The following PSD3 variants were observed in gnomAD, a reference collection of about 807,000 sequenced individuals.
PSD3 encodes the protein pleckstrin and Sec7 domain containing 3, also known as PH and SEC7 domain-containing protein 3.
A neutral mutation model predicts 105.5 loss-of-function variants in PSD3; 49 were observed. The ratio of observed to expected loss-of-function variants is 0.46; its 90% CI spans 0.37 to 0.59. The LOEUF (loss-of-function observed/expected upper bound fraction) is 0.59, where lower values mean the gene tolerates loss of function less well. Ranked by LOEUF, PSD3 falls within the 20% of genes least tolerant of loss-of-function variation. The pLI is 0.00. For synonymous variants in PSD3, 557 were observed against 457.8 expected (o/e 1.22, Z -2.77); for missense variants, 1,561 against 1,263.8 (o/e 1.24, Z -3.57).
At chr8:18,542,279 C>G (rs188848122) in intron 15 of PSD3, among the ~76,000 whole-genome samples, 12 of 152,256 alleles carry the variant, frequency 7.9e-5, no homozygotes, top group Admixed American at 7.8e-4. Context: ...TTATTTATAT[C>G]TGGAATCTAC....
intron 2 of PSD3, among the ~76,000 whole-genome samples, chr8:18,905,148 C>G (rs1161899861): frequency 6.6e-6 from 1 of 152,150 alleles, no homozygotes; most frequent in Admixed American, 6.5e-5. Context: ...TTAACCATTA[C>G]AAAAAGCTGC....
At chr8:18,575,702 A>C (rs1252274128) in intron 12 of PSD3, among the ~76,000 whole-genome samples, 1 of 152,214 alleles carries the variant, frequency 6.6e-6, no homozygotes, top group East Asian at 1.9e-4. Context: ...CAACAGAATT[A>C]TACCGAGGAT....
rs756248977 is a variant in PSD3, at chr8:18,759,092, A to ACACACACACACACACACACACACACACT, written c.2172+6356_2172+6357insAGTGTGTGTGTGTGTGTGTGTGTGTGTG. 3.9e-4 allele frequency among the ~76,000 whole-genome samples: 56 copies of ACACACACACACACACACACACACACACT among 143,950 alleles called. 1 individual carries two copies. The East Asian group carries it at 4.2e-3, about 11-fold the overall frequency. 94.4% of individuals were successfully genotyped at this position (143,950 alleles called of 152,430 possible). On this transcript the variant is annotated intron_variant, in intron 9 of 15. Coordinates refer to ENST00000327040, the MANE Select transcript of PSD3 (RefSeq NM_015310.4). Reference sequence around the variant, plus strand: ...TAACCCATTCTTCACACACACACACACTCTCTCTCTCTCTCTCTCTCTCTT... The same window carrying ACACACACACACACACACACACACACACT: ...TAACCCATTCTTCACACACACACACACACACACACACACACACACACACACACTCTCTCTCTCTCTCTCTCTCTCTCTT...
At chr8:18,796,997 C>CA (rs565200854) in intron 8 of PSD3, among the ~76,000 whole-genome samples, 31 of 151,902 alleles carry the variant, frequency 2.0e-4, no homozygotes, top group African/African-American at 7.0e-4. Flanking sequence ...AAAACAACAA[C>CA]AAAAAAATCA....
At chr8:18,986,691 T>C (rs942332171) in intron 1 of PSD3, among the ~76,000 whole-genome samples, 2 of 152,142 alleles carry the variant, frequency 1.3e-5, no homozygotes, top group Non-Finnish European at 2.9e-5. Context: ...ACTTCACTTA[T>C]CGCTGAATGC....
intron 2 of PSD3, among the ~76,000 whole-genome samples, chr8:18,883,252 T>A (rs984957934): frequency 6.6e-6 from 1 of 152,190 alleles, no homozygotes; most frequent in African/African-American, 2.4e-5. Context: ...TTAAAAGAGA[T>A]CATAACTGCC....
chr8:18,770,644 C>T (rs1228908042), intron 8 of PSD3, among the ~76,000 whole-genome samples: 2 of 152,202 alleles, frequency 1.3e-5, no homozygotes, highest in East Asian at 3.9e-4. Flanking sequence ...GAACTCTGTA[C>T]TGGTCCCGCA....
intron 4 of PSD3, among the ~76,000 whole-genome samples, chr8:18,821,718 C>CACACACACACACA (rs1554513426): frequency 7.8e-5 from 5 of 64,478 alleles, no homozygotes; most frequent in Admixed American, 6.4e-4. Context: ...CACACACACA[C>CACACACACACACA]CCCAATAACA....
At chr8:18,973,819 T>C (rs1201470071) in intron 1 of PSD3, among the ~76,000 whole-genome samples, 1 of 152,234 alleles carries the variant, frequency 6.6e-6, no homozygotes, top group Non-Finnish European at 1.5e-5. Context: ...TATTAAACTA[T>C]AGAATATGAG....
At chr8:18,929,406 G>A (rs1299611880) in intron 2 of PSD3, among the ~76,000 whole-genome samples, 1 of 152,090 alleles carries the variant, frequency 6.6e-6, no homozygotes, top group Non-Finnish European at 1.5e-5. Flanking sequence ...ATGGGAAGCA[G>A]AACATATGTC....
intron 2 of PSD3, among the ~76,000 whole-genome samples, chr8:18,920,038 CA>C (rs548358518): frequency 0.18 from 23,535 of 134,018 alleles, 2,145 homozygotes; most frequent in Middle Eastern, 0.24. Flanking sequence ...AAAACAATCA[CA>C]AAAAAAAAAA....
intron 4 of PSD3, among the ~76,000 whole-genome samples, chr8:18,828,987 G>T (rs190382924): frequency 1.3e-5 from 2 of 152,202 alleles, no homozygotes; most frequent in African/African-American, 2.4e-5. Context: ...TGGGCGGACG[G>T]CTTGAGCCTG....
intron 4 of PSD3, among the ~76,000 whole-genome samples, chr8:18,855,934 A>C (rs1486422139): frequency 6.6e-6 from 1 of 152,214 alleles, no homozygotes; most frequent in Non-Finnish European, 1.5e-5. Flanking sequence ...CAGAAGCTTT[A>C]GAAAGCCAAC....
At chr8:18,752,065 G>T (rs1398563602) in intron 9 of PSD3, among the ~76,000 whole-genome samples, 1 of 151,180 alleles carries the variant, frequency 6.6e-6, no homozygotes, top group Non-Finnish European at 1.5e-5. Flanking sequence ...GTGGATGCCT[G>T]TAATCCCAGC....
At chr8:18,957,003 A>C (rs1349458925) in intron 1 of PSD3, among the ~76,000 whole-genome samples, 1 of 152,172 alleles carries the variant, frequency 6.6e-6, no homozygotes, top group Non-Finnish European at 1.5e-5. Flanking sequence ...CCAAGATGAA[A>C]TCTTAACTAC....
intron 4 of PSD3, among the ~76,000 whole-genome samples, chr8:18,805,672 A>G (rs185643391): frequency 1.8e-3 from 269 of 152,308 alleles, no homozygotes; most frequent in African/African-American, 5.7e-3. Context: ...AACATCACAC[A>G]TTGGTTATCT....
chr8:18,801,032 A>T, intron 7 of PSD3: 1 of 314,654 alleles, frequency 3.2e-6, no homozygotes, highest in Non-Finnish European at 5.8e-6. Flanking sequence ...ATGCTTTTAA[A>T]GAATATTTAA....
chr8:18,616,628 C>CTTTTTTTTTTTTTTTTTTTTTTTT (rs71217391), intron 11 of PSD3, among the ~76,000 whole-genome samples: 1 of 126,776 alleles, frequency 7.9e-6, no homozygotes, highest in African/African-American at 3.0e-5. Context: ...CTTTTCTTTT[C>CTTTTTTTTTTTTTTTTTTTTTTTT]TTTTTTTTTT....
intron 9 of PSD3, among the ~76,000 whole-genome samples, chr8:18,708,561 G>GT (rs995547036): frequency 2.6e-5 from 4 of 152,116 alleles, no homozygotes; most frequent in South Asian, 4.1e-4. Context: ...TTTTCCAAAA[G>GT]TTTTTACTCT....
Sources: allele counts gnomAD v4.1 joint callset (sites outside exome capture counted in the v4.1 genomes callset), GRCh38; gene constraint gnomAD v4.1.1; transcripts MANE v1.5; gene names NCBI Gene and HGNC (gene_info 2026-07-23, HGNC 2026-07-21).